Variants in CTNNBIP1 observed in about 807,000 individuals in gnomAD.
The protein encoded by CTNNBIP1 is catenin beta interacting protein 1, also known as beta-catenin-interacting protein 1.
In CTNNBIP1, 7 loss-of-function variants were observed where a neutral mutation model predicts 11.8. That is an observed-to-expected ratio of 0.60 (90% CI 0.34 to 1.12). The LOEUF (loss-of-function observed/expected upper bound fraction) is 1.12, where lower values mean the gene tolerates loss of function less well. CTNNBIP1 is among the 50% of genes most tolerant of loss of function. The probability of loss-of-function intolerance (pLI) is 0.03; values close to 1 mark genes in which losing one functional copy is unlikely to be tolerated. For missense variants in CTNNBIP1, 101 were observed against 113.4 expected (o/e 0.89, Z 0.50); for synonymous variants, 58 against 43.9 (o/e 1.32, Z -1.26).
intron 5 of CTNNBIP1, among the ~76,000 whole-genome samples, chr1:9,853,323 T>C (rs946546124): frequency 2.6e-5 from 4 of 152,236 alleles, no homozygotes; most frequent in Non-Finnish European, 5.9e-5. Context: ...GTTGGCCAGG[T>C]ATTTGTCATT....
At chr1:9,894,631 G>A (rs554582676) in intron 1 of CTNNBIP1, among the ~76,000 whole-genome samples, 12 of 151,704 alleles carry the variant, frequency 7.9e-5, no homozygotes, top group African/African-American at 2.2e-4. Flanking sequence ...AGGCTTAAGC[G>A]ATCCTCCCAC....
At position 9,851,219 on chromosome 1, in the gene CTNNBIP1, C is replaced by T. The variant is rs1157586286; in HGVS notation, c.188-443G>A. Among the ~76,000 whole-genome samples the T allele has an allele frequency of 1.3e-5, 2 of 152,220 alleles. No homozygotes were observed. The highest frequency in any genetic ancestry group is 2.9e-5 in the Non-Finnish European group (2 of 68,048). On this transcript the variant is annotated intron_variant, in intron 5 of 5. Transcript: ENST00000377263. The surrounding 1 kb of genome is among the most constrained non-coding windows in gnomAD (Gnocchi z 4.8). ...TCTGGCTCACTGTGGTTTTAAATAG[C>T]CATTCCTCTTTGCAGCAGCTTCTCC...
chr1:9,857,831 C>G (rs184926018), intron 5 of CTNNBIP1, among the ~76,000 whole-genome samples: 7 of 152,200 alleles, frequency 4.6e-5, no homozygotes, highest in African/African-American at 1.2e-4. Context: ...CAACAAAAAT[C>G]CAAAACTATG....
chr1:9,880,217 G>A (rs1394011578), intron 2 of CTNNBIP1, among the ~76,000 whole-genome samples: 1 of 151,792 alleles, frequency 6.6e-6, no homozygotes, highest in Non-Finnish European at 1.5e-5. Context: ...TTATGAGTGA[G>A]AACATACGAT....
chr1:9,909,129 G>T (rs1046836445), intron 1 of CTNNBIP1, among the ~76,000 whole-genome samples: 1 of 152,202 alleles, frequency 6.6e-6, no homozygotes, highest in Non-Finnish European at 1.5e-5. Context: ...AAGAGCCAAG[G>T]CTCCTGCGAA....
chr1:9,879,111 C>T (rs575536238), intron 2 of CTNNBIP1, among the ~76,000 whole-genome samples: 10 of 151,958 alleles, frequency 6.6e-5, no homozygotes, highest in Admixed American at 1.3e-4. Flanking sequence ...GCAGGAGAAT[C>T]GGTTGAACCT....
intron 2 of CTNNBIP1, 179 bp from the exon 3 acceptor site, chr1:9,878,168 G>A (rs1425061866): frequency 2.0e-5 from 3 of 152,262 alleles, no homozygotes; most frequent in African/African-American, 7.2e-5. Context: ...CAGGAAACCT[G>A]CACCCACACC....
At chr1:9,892,609 G>C (rs1639330244) in intron 1 of CTNNBIP1, among the ~76,000 whole-genome samples, 1 of 151,228 alleles carries the variant, frequency 6.6e-6, no homozygotes, top group African/African-American at 2.4e-5. Context: ...AAAAAGAAAA[G>C]AAGTTTTAAG....
At chr1:9,897,643 C>T (rs1231818315) in intron 1 of CTNNBIP1, among the ~76,000 whole-genome samples, 1 of 150,838 alleles carries the variant, frequency 6.6e-6, no homozygotes, top group Non-Finnish European at 1.5e-5. Context: ...CAGAGCAAGA[C>T]TCCGTTTCAA....
At chr1:9,886,746 C>T (rs534037986) in intron 1 of CTNNBIP1, among the ~76,000 whole-genome samples, 74 of 152,216 alleles carry the variant, frequency 4.9e-4, no homozygotes, top group Non-Finnish European at 9.1e-4. Flanking sequence ...GCGAGGGGGA[C>T]GGGGGGCAGA....
intron 1 of CTNNBIP1, among the ~76,000 whole-genome samples, chr1:9,901,974 C>T (rs1262517058): frequency 6.6e-6 from 1 of 152,228 alleles, no homozygotes; most frequent in Non-Finnish European, 1.5e-5. Flanking sequence ...CCTCTCTACC[C>T]AGCCCTGGCT....
chr1:9,865,132 G>C (rs1245484044), intron 5 of CTNNBIP1, among the ~76,000 whole-genome samples: 1 of 151,968 alleles, frequency 6.6e-6, no homozygotes, highest in Non-Finnish European at 1.5e-5. Context: ...GGGAGGCTAA[G>C]GCAAGAGAAT....
Position 9,865,164 on chromosome 1 carries a change from G to C in CTNNBIP1, c.187+6023C>G, listed in dbSNP as rs560817413. Among the ~76,000 whole-genome samples the C allele has an allele frequency of 2.6e-5, 4 of 152,120 alleles. No homozygotes were observed. In the East Asian group the frequency reaches 7.7e-4, roughly 29 times the overall value. On this transcript the variant is annotated intron_variant, in intron 5 of 5. Transcript: ENST00000377263. ...GAATTGCTTGAACCTGTGAGGTGGA[G>C]GTTGCAGTGAGCCAAGATAGCACCA...
intron 5 of CTNNBIP1, among the ~76,000 whole-genome samples, chr1:9,869,293 C>T (rs999475723): frequency 1.3e-5 from 2 of 152,202 alleles, no homozygotes; most frequent in African/African-American, 4.8e-5. Flanking sequence ...AGCCACTGCA[C>T]CTGGCCACCA....
chr1:9,850,875 C>A, intron 5 of CTNNBIP1, 99 bp from the exon 6 acceptor site: 1 of 1,112,488 alleles, frequency 9.0e-7, no homozygotes, highest in Non-Finnish European at 1.4e-6. Context: ...CCCCCGCCCA[C>A]CAGGATCGCG....
chr1:9,885,473 G>A (rs1297251628), intron 1 of CTNNBIP1, among the ~76,000 whole-genome samples: 3 of 151,904 alleles, frequency 2.0e-5, no homozygotes, highest in Non-Finnish European at 2.9e-5. Flanking sequence ...ATGAGACTCC[G>A]TCTCTACAAA....
At chr1:9,865,481 G>A (rs921403865) in intron 5 of CTNNBIP1, among the ~76,000 whole-genome samples, 2 of 151,934 alleles carry the variant, frequency 1.3e-5, no homozygotes, top group African/African-American at 2.4e-5. Flanking sequence ...GCGGGCGCCT[G>A]TAGTCCCAGC....
At chr1:9,898,158 A>C (rs1639447886) in intron 1 of CTNNBIP1, among the ~76,000 whole-genome samples, 1 of 151,684 alleles carries the variant, frequency 6.6e-6, no homozygotes, top group South Asian at 2.1e-4. Flanking sequence ...TTAAAAAGAA[A>C]CCTAGAAGTC....
chr1:9,852,072 AGGAAAGGCCACCCGAGGGTGGGCCAGT>A (rs1638399709), intron 5 of CTNNBIP1, among the ~76,000 whole-genome samples: 2 of 152,154 alleles, frequency 1.3e-5, no homozygotes, highest in Non-Finnish European at 2.9e-5. Flanking sequence ...TAGGAGAGAC[AGGAAAGGCCACCCGAGGGTGGGCCAGT>A]GTGGGGAGTG....
Sources: gnomAD v4.1 joint callset for allele counts (sites outside exome capture counted in the v4.1 genomes callset) on GRCh38, gnomAD v4.1.1 for gene constraint, Gnocchi (gnomAD v3.1) non-coding constraint, MANE v1.5 for transcripts, NCBI Gene and HGNC (gene_info 2026-07-23, HGNC 2026-07-21) for gene names.